Variants in STPG4 observed in about 807,000 individuals in gnomAD.
The protein encoded by STPG4 is sperm-tail PG-rich repeat containing 4.
In STPG4, 41 loss-of-function variants were observed where a neutral mutation model predicts 31.5. The observed-to-expected ratio is 1.30, with a 90% CI of 1.01 to 1.69. The LOEUF is 1.69. Ranked by LOEUF, STPG4 falls within the 40% of genes most tolerant of loss-of-function variation. STPG4 has a pLI of 0.00. For missense variants in STPG4, 375 were observed against 293.4 expected, an observed-to-expected ratio of 1.28 and a Z score of -2.03; for synonymous variants, 141 against 103.0, an observed-to-expected ratio of 1.37 and a Z score of -2.24.
intron 5 of STPG4, among the ~76,000 whole-genome samples, chr2:47,099,842 G>C (rs1423207508): frequency 6.6e-6 from 1 of 152,234 alleles, no homozygotes; most frequent in Non-Finnish European, 1.5e-5. Flanking sequence ...GGTGGGCCCT[G>C]CTGGCCCCGG....
At chr2:47,099,849 C>A (rs1395600475) in intron 5 of STPG4, among the ~76,000 whole-genome samples, 1 of 152,216 alleles carries the variant, frequency 6.6e-6, no homozygotes, top group Non-Finnish European at 1.5e-5. Context: ...CCTGCTGGCC[C>A]CGGGCAATGA....
At chr2:47,106,441 G>A (rs1384587378) in intron 5 of STPG4, among the ~76,000 whole-genome samples, 1 of 151,892 alleles carries the variant, frequency 6.6e-6, no homozygotes, top group African/African-American at 2.4e-5. Context: ...CGGAATAGCT[G>A]GTTTATCAAC....
chr2:47,123,298 CAG>C (rs1277571814), intron 5 of STPG4, among the ~76,000 whole-genome samples: 3 of 152,016 alleles, frequency 2.0e-5, no homozygotes, highest in Non-Finnish European at 4.4e-5. Context: ...AGGAAAGAAA[CAG>C]AGAGGTGCTT....
rs1685573521 is a variant in STPG4, at chr2:47,091,736, G to GT, written c.520-1363dup. 7.2e-5 allele frequency among the ~76,000 whole-genome samples: 11 copies of GT among 152,206 alleles called. No homozygotes were observed. The South Asian group carries it at 2.3e-3, about 32-fold the overall frequency. ...ATTCTAAGTTGTATATGTTTTTCAA[G>GT]TTTTCACAAAACGGAGTTTAAGATG... On this transcript the variant is annotated intron_variant, in intron 5 of 6. Coordinates refer to ENST00000445927, the MANE Select transcript of STPG4 (RefSeq NM_001163561.2).
At chr2:47,102,220 G>C (rs1439404347) in intron 5 of STPG4, among the ~76,000 whole-genome samples, 3 of 151,248 alleles carry the variant, frequency 2.0e-5, no homozygotes, top group African/African-American at 7.4e-5. Flanking sequence ...CAATCAGCAG[G>C]GTCCAGGGAC....
chr2:47,123,205 TAA>T (rs1373740655), intron 5 of STPG4, among the ~76,000 whole-genome samples: 2 of 152,352 alleles, frequency 1.3e-5, no homozygotes, highest in South Asian at 4.1e-4. Context: ...GCTATTTATC[TAA>T]AAGAGTTCAT....
chr2:47,146,164 C>A (rs887233777), intron 3 of STPG4, among the ~76,000 whole-genome samples: 2 of 152,164 alleles, frequency 1.3e-5, no homozygotes, highest in African/African-American at 4.8e-5. Flanking sequence ...TCCCTGCTGG[C>A]CTTGAGAAAA....
intron 5 of STPG4, among the ~76,000 whole-genome samples, chr2:47,101,522 C>T (rs1192587958): frequency 6.6e-6 from 1 of 151,750 alleles, no homozygotes. Context: ...GAGGTTAGTC[C>T]CGCTTCTAAA....
At chr2:47,150,470 G>A (rs1269990785) in intron 3 of STPG4, among the ~76,000 whole-genome samples, 1 of 151,832 alleles carries the variant, frequency 6.6e-6, no homozygotes, top group Non-Finnish European at 1.5e-5. Flanking sequence ...AGTAGAAGCT[G>A]ACCCTCCTGG....
At chr2:47,153,660 C>G (rs1178426845) in intron 1 of STPG4, among the ~76,000 whole-genome samples, 1 of 152,140 alleles carries the variant, frequency 6.6e-6, no homozygotes, top group African/African-American at 2.4e-5. Context: ...GCTGTAATCC[C>G]TACTCATGAG....
intron 5 of STPG4, among the ~76,000 whole-genome samples, chr2:47,093,851 T>A (rs1685620750): frequency 6.6e-6 from 1 of 152,228 alleles, no homozygotes; most frequent in African/African-American, 2.4e-5. Context: ...GCCACAGGCA[T>A]GCTGCGGCAA....
intron 2 of STPG4, among the ~76,000 whole-genome samples, chr2:47,151,873 T>G (rs1431973816): frequency 6.6e-6 from 1 of 151,874 alleles, no homozygotes; most frequent in African/African-American, 2.4e-5. Flanking sequence ...CCCAAGTAGC[T>G]GGGACTACAG....
chr2:47,124,160 T>C (rs953670855), intron 5 of STPG4, among the ~76,000 whole-genome samples: 2 of 152,012 alleles, frequency 1.3e-5, no homozygotes, highest in Non-Finnish European at 2.9e-5. Flanking sequence ...TTTTTGTATT[T>C]TCAGTAGAGG....
At chr2:47,098,786 A>G (rs1397300754) in intron 5 of STPG4, among the ~76,000 whole-genome samples, 1 of 149,066 alleles carries the variant, frequency 6.7e-6, no homozygotes, top group Non-Finnish European at 1.5e-5. Context: ...CTCAGCAAGG[A>G]GGACAGAATC....
Position 47,130,291 on chromosome 2 carries a change from T to C in STPG4, c.400-31A>G, listed in dbSNP as rs373952978. The C allele has an allele frequency of 1.0e-5, 16 of 1,578,182 alleles. No individual in the cohort carries two copies. In the African/African-American group the frequency reaches 2.0e-4, roughly 20 times the overall value. ...CAGAATGGACAAGGACACCAATAGA[T>C]TAATAGAGGTTGTAAACTCACTTCG... On this transcript the variant is annotated intron_variant, in intron 3 of 6. Coordinates refer to ENST00000445927, the MANE Select transcript of STPG4 (RefSeq NM_001163561.2).
intron 3 of STPG4, among the ~76,000 whole-genome samples, chr2:47,149,593 T>C (rs1686897176): frequency 1.3e-5 from 2 of 152,232 alleles, no homozygotes. Flanking sequence ...AGTAGAAAGT[T>C]TGGATTTGAC....
intron 3 of STPG4, among the ~76,000 whole-genome samples, chr2:47,138,476 C>A (rs1448808821): frequency 6.6e-6 from 1 of 151,446 alleles, no homozygotes; most frequent in Non-Finnish European, 1.5e-5. Flanking sequence ...ACTGCAACCT[C>A]CACCTCCTGG....
rs1241418342 is a variant in STPG4 at position 47,090,329 on chromosome 2, T to C, written c.565A>G (p.Thr189Ala). 14 of 1,552,090 alleles carry C rather than the reference T, an allele frequency of 9.0e-6. No homozygotes were observed. Among genetic ancestry groups the C allele is most frequent in the African/African-American group, 2.7e-5 (2 of 73,170 alleles). Residue 189 changes from threonine to alanine, a missense_variant, in exon 6 of 7, where the codon ACA becomes GCA. Physicochemically the swap from Thr to Ala is moderately conservative, Grantham distance 58 (BLOSUM62 0). Coordinates refer to ENST00000445927, the MANE Select transcript of STPG4 (RefSeq NM_001163561.2). ...TGAAAACAAGAAGTGACAGAGCTTG[T>C]TGGAGGCATTTTCACATTATAATGA... ...PGHYNVKMPP[T>A]SSVTSCFQSR...
chr2:47,104,624 G>A (rs866856362), intron 5 of STPG4, among the ~76,000 whole-genome samples: 4 of 151,928 alleles, frequency 2.6e-5, no homozygotes, highest in East Asian at 1.9e-4. Context: ...TTGCCCCAGG[G>A]GTTTAGGGAT....
Sources: gnomAD v4.1 joint callset for allele counts (sites outside exome capture counted in the v4.1 genomes callset) on GRCh38, gnomAD v4.1.1 for gene constraint, MANE v1.5 for transcripts, NCBI Gene and HGNC (gene_info 2026-07-23, HGNC 2026-07-21) for gene names.